The following TMEM117 variants were observed in gnomAD, a reference collection of about 807,000 sequenced individuals.
The protein encoded by TMEM117 is transmembrane protein 117.
TMEM117 carries 27 observed loss-of-function variants against 52.4 expected under a neutral mutation model. The observed-to-expected ratio is 0.51, with a 90% CI of 0.38 to 0.71. The LOEUF (loss-of-function observed/expected upper bound fraction) is 0.71. Ranked by LOEUF, TMEM117 falls within the 30% of genes least tolerant of loss-of-function variation. The probability of loss-of-function intolerance (pLI) is 0.00; values close to 1 mark genes in which losing one functional copy is unlikely to be tolerated. For synonymous variants in TMEM117, 215 were observed against 206.3 expected (o/e 1.04, Z -0.36); for missense variants, 556 against 630.5 (o/e 0.88, Z 1.26).
intron 6 of TMEM117, among the ~76,000 whole-genome samples, chr12:44,317,957 A>G (rs1304067636): frequency 6.6e-6 from 1 of 152,196 alleles, no homozygotes; most frequent in Non-Finnish European, 1.5e-5. Flanking sequence ...CCAGCACCTA[A>G]TGCGTGGCCA....
chr12:43,901,254 A>C (rs1944299079), intron 2 of TMEM117, among the ~76,000 whole-genome samples: 1 of 152,024 alleles, frequency 6.6e-6, no homozygotes, highest in African/African-American at 2.4e-5. Flanking sequence ...TTTTCTCCAG[A>C]TGCTTTCTTT....
intron 3 of TMEM117, among the ~76,000 whole-genome samples, chr12:43,980,930 G>A (rs1945750403): frequency 6.6e-6 from 1 of 152,198 alleles, no homozygotes; most frequent in Non-Finnish European, 1.5e-5. Flanking sequence ...GTAGAGAGCA[G>A]TCCTGAGTGT....
rs76353806 is a variant in TMEM117, at chr12:43,839,072, T to G, written c.-29+2876T>G. ...TTGCCTAGGTCACATCTACATCCAA[T>G]GTATTAGTAAATTTTATTAGTTATT... On this transcript the variant is annotated intron_variant, in intron 1 of 7. Coordinates refer to ENST00000266534, the MANE Select transcript of TMEM117 (RefSeq NM_032256.3). Among the ~76,000 whole-genome samples, 649 of 152,320 alleles carry G rather than the reference T, an allele frequency of 4.3e-3. 7 individuals carry two copies. Among genetic ancestry groups the G allele is most frequent in the African/African-American group, 0.013 (550 of 41,570 alleles).
At chr12:43,879,346 G>T (rs1396164409) in intron 2 of TMEM117, among the ~76,000 whole-genome samples, 2 of 152,186 alleles carry the variant, frequency 1.3e-5, no homozygotes, top group East Asian at 1.9e-4. Flanking sequence ...TTCCATGGGG[G>T]TCATTGGTGA....
chr12:44,282,978 A>G (rs1197597936), intron 5 of TMEM117, among the ~76,000 whole-genome samples: 2 of 152,248 alleles, frequency 1.3e-5, no homozygotes, highest in African/African-American at 4.8e-5. Flanking sequence ...GCCAATGTCC[A>G]GCTCAGGCTG....
intron 4 of TMEM117, among the ~76,000 whole-genome samples, chr12:44,160,783 C>A (rs1444765051): frequency 6.6e-6 from 1 of 152,114 alleles, no homozygotes; most frequent in Non-Finnish European, 1.5e-5. Context: ...GCCTGGGCAA[C>A]ATAGTGAGAT....
intron 2 of TMEM117, among the ~76,000 whole-genome samples, chr12:43,911,664 AC>A (rs1441792774): frequency 1.4e-5 from 2 of 145,982 alleles, no homozygotes; most frequent in Non-Finnish European, 1.5e-5. Flanking sequence ...AAAACAAACA[AC>A]CCCATCAAAA....
Position 43,991,710 on chromosome 12 carries a change from G to A in TMEM117, c.410+47368G>A, listed in dbSNP as rs181295026. On this transcript the variant is annotated intron_variant, in intron 3 of 7. Coordinates refer to ENST00000266534, the MANE Select transcript of TMEM117 (RefSeq NM_032256.3). ...TCTAATTATTATCTACGGACAAAAT[G>A]AGAGAGAGAGAGAGAGCAAGAGTGA... Among the ~76,000 whole-genome samples, 84 of 148,958 alleles carry A rather than the reference G, an allele frequency of 5.6e-4. No homozygotes were observed. In the East Asian group the frequency reaches 0.011, roughly 19 times the overall value.
At chr12:44,005,129 A>G (rs1336019749) in intron 3 of TMEM117, among the ~76,000 whole-genome samples, 1 of 152,206 alleles carries the variant, frequency 6.6e-6, no homozygotes, top group Non-Finnish European at 1.5e-5. Context: ...TAGCCCTAGG[A>G]GGTAGGAATT....
intron 3 of TMEM117, among the ~76,000 whole-genome samples, chr12:44,066,910 A>G (rs1429089510): frequency 6.6e-6 from 1 of 152,202 alleles, no homozygotes; most frequent in African/African-American, 2.4e-5. Context: ...TCTTATACCC[A>G]CAGTAGAACT....
chr12:44,017,460 C>T (rs1192596343), intron 3 of TMEM117, among the ~76,000 whole-genome samples: 3 of 151,030 alleles, frequency 2.0e-5, no homozygotes, highest in Non-Finnish European at 4.4e-5. Context: ...AAGCAAGGAT[C>T]TGCTGGCCCT....
At chr12:44,121,359 C>T (rs1007161749) in intron 3 of TMEM117, among the ~76,000 whole-genome samples, 5 of 152,086 alleles carry the variant, frequency 3.3e-5, no homozygotes, top group Admixed American at 2.0e-4. Flanking sequence ...CTGTATCAAT[C>T]CTCTTATGCA....
At chr12:43,964,350 A>G (rs1345616349) in intron 3 of TMEM117, among the ~76,000 whole-genome samples, 1 of 152,134 alleles carries the variant, frequency 6.6e-6, no homozygotes, top group Non-Finnish European at 1.5e-5. Flanking sequence ...GAACAACTCT[A>G]CAGACTACTA....
chr12:44,136,593 T>C (rs1329534851), intron 3 of TMEM117, among the ~76,000 whole-genome samples: 1 of 152,148 alleles, frequency 6.6e-6, no homozygotes, highest in Admixed American at 6.5e-5. Flanking sequence ...ATAAAATAAA[T>C]GTGTTTTACT....
chr12:44,274,426 A>G (rs527777031), intron 5 of TMEM117, among the ~76,000 whole-genome samples: 2 of 152,148 alleles, frequency 1.3e-5, no homozygotes, highest in Admixed American at 6.6e-5. Context: ...AATACTAATG[A>G]CATTCTTCAC....
intron 6 of TMEM117, among the ~76,000 whole-genome samples, chr12:44,321,868 CAA>C (rs1951134836): frequency 6.6e-6 from 1 of 152,102 alleles, no homozygotes; most frequent in Non-Finnish European, 1.5e-5. Flanking sequence ...AGCTTAGTGG[CAA>C]ATGTATCTTT....
intron 2 of TMEM117, among the ~76,000 whole-genome samples, chr12:43,940,367 A>G (rs1945024617): frequency 2.0e-5 from 3 of 152,212 alleles, no homozygotes; most frequent in African/African-American, 7.2e-5. Flanking sequence ...AAAGGGACCT[A>G]GAACTCTCAA....
chr12:44,286,066 C>G lies in TMEM117; in HGVS notation c.609-13514C>G, dbSNP rs537836304. 3.3e-5 allele frequency among the ~76,000 whole-genome samples: 5 copies of G among 152,210 alleles called. No homozygotes were observed. In the South Asian group the frequency reaches 8.3e-4, roughly 25 times the overall value. On this transcript the variant is annotated intron_variant, in intron 5 of 7. Transcript: ENST00000266534. ...CTATCCCACTTCACTTTAAACCTTTCTATTTAATAAGATTCACAGATTTTT... is the reference window on the plus strand; with the variant it reads ...CTATCCCACTTCACTTTAAACCTTTGTATTTAATAAGATTCACAGATTTTT...
chr12:44,262,879 G>A (rs751440130), intron 5 of TMEM117, among the ~76,000 whole-genome samples: 5 of 152,174 alleles, frequency 3.3e-5, no homozygotes, highest in Non-Finnish European at 5.9e-5. Context: ...GAGCCACTGC[G>A]CCCCGCCGAG....
Sources: allele counts gnomAD v4.1 joint callset (sites outside exome capture counted in the v4.1 genomes callset), GRCh38; gene constraint gnomAD v4.1.1; transcripts MANE v1.5; gene names NCBI Gene and HGNC (gene_info 2026-07-23, HGNC 2026-07-21).